The following FSTL5 variants were observed in gnomAD, a reference collection of about 807,000 sequenced individuals.
FSTL5 encodes the protein follistatin-related protein 5.
Under a neutral mutation model 89.1 loss-of-function variants are expected in FSTL5, and 62 were observed. The observed-to-expected ratio is 0.70, with a 90% CI of 0.57 to 0.86. FSTL5 has a LOEUF of 0.86. FSTL5 is among the 40% of genes least tolerant of loss of function. FSTL5 has a pLI of 0.00. For synonymous variants in FSTL5, 383 were observed against 346.2 expected (o/e 1.11, Z -1.18); for missense variants, 1,057 against 1,001.6 (o/e 1.06, Z -0.75).
At chr4:161,872,138 TTG>T (rs1491080602) in intron 4 of FSTL5, among the ~76,000 whole-genome samples, 4 of 51,128 alleles carry the variant, frequency 7.8e-5, no homozygotes, top group Admixed American at 3.0e-4. Flanking sequence ...GTTTTTTTTT[TTG>T]GTTTTTTTTT....
chr4:161,699,785 T>C (rs1267020593), intron 6 of FSTL5, among the ~76,000 whole-genome samples: 2 of 152,176 alleles, frequency 1.3e-5, no homozygotes, highest in East Asian at 1.9e-4. Context: ...TTGGGGTCTG[T>C]ATCTGATGCC....
At chr4:161,438,694 TTCAAAA>T (rs1273503555) in intron 15 of FSTL5, among the ~76,000 whole-genome samples, 3 of 152,152 alleles carry the variant, frequency 2.0e-5, no homozygotes, top group African/African-American at 7.2e-5. Context: ...TGTACAAGGA[TTCAAAA>T]TTAAAATTAA....
intron 2 of FSTL5, among the ~76,000 whole-genome samples, chr4:162,090,016 G>A (rs967513780): frequency 6.6e-6 from 1 of 152,070 alleles, no homozygotes; most frequent in African/African-American, 2.4e-5. Flanking sequence ...TCAGTCAATG[G>A]TGCTGGGATA....
chr4:161,938,663 CAT>C (rs574413944), intron 3 of FSTL5, among the ~76,000 whole-genome samples: 255 of 151,990 alleles, frequency 1.7e-3, no homozygotes, highest in African/African-American at 5.8e-3. Context: ...TCAAATAATG[CAT>C]AGTTTATTAA....
At chr4:161,620,423 G>C (rs1735080281) in intron 7 of FSTL5, among the ~76,000 whole-genome samples, 1 of 152,192 alleles carries the variant, frequency 6.6e-6, no homozygotes, top group Non-Finnish European at 1.5e-5. Context: ...GGGAGGCCAA[G>C]ATGGGCAGGT....
intron 3 of FSTL5, among the ~76,000 whole-genome samples, chr4:161,929,345 G>A (rs569764736): frequency 6.7e-6 from 1 of 150,354 alleles, no homozygotes; most frequent in East Asian, 2.0e-4. Context: ...CCTTTCTCCA[G>A]CACCATACTG....
chr4:161,944,010 C>T (rs1188787481), intron 3 of FSTL5, among the ~76,000 whole-genome samples: 7 of 152,160 alleles, frequency 4.6e-5, no homozygotes, highest in Middle Eastern at 3.4e-3. Context: ...ATTTAAGGCT[C>T]GTGTTTCTGC....
intron 2 of FSTL5, among the ~76,000 whole-genome samples, chr4:162,049,906 C>T (rs930510916): frequency 6.6e-6 from 1 of 151,454 alleles, no homozygotes; most frequent in African/African-American, 2.4e-5. Context: ...CATGAGAAAA[C>T]GATAGTTGAC....
chr4:161,449,687 AG>A (rs1163925017), intron 15 of FSTL5, among the ~76,000 whole-genome samples: 1 of 152,204 alleles, frequency 6.6e-6, no homozygotes, highest in Non-Finnish European at 1.5e-5. Context: ...GAAATGGGAA[AG>A]GAATGATTTG....
At chr4:162,128,385 G>A (rs1046756467) in intron 1 of FSTL5, among the ~76,000 whole-genome samples, 1 of 152,126 alleles carries the variant, frequency 6.6e-6, no homozygotes, top group Non-Finnish European at 1.5e-5. Context: ...TTTGGGATGA[G>A]GTGATTAGGT....
chr4:161,604,775 T>C (rs1437415227), intron 7 of FSTL5, among the ~76,000 whole-genome samples: 3 of 152,160 alleles, frequency 2.0e-5, no homozygotes, highest in Non-Finnish European at 4.4e-5. Context: ...TCAAGCACTG[T>C]TGGAGCCTAG....
intron 7 of FSTL5, among the ~76,000 whole-genome samples, chr4:161,645,067 T>C (rs1335892723): frequency 6.6e-6 from 1 of 151,856 alleles, no homozygotes; most frequent in Non-Finnish European, 1.5e-5. Context: ...CATATTCAAA[T>C]AAAAAAATTT....
chr4:161,504,940 T>C (rs945128942), intron 11 of FSTL5, among the ~76,000 whole-genome samples: 3 of 152,038 alleles, frequency 2.0e-5, no homozygotes, highest in African/African-American at 7.2e-5. Context: ...ATAAAAAAGA[T>C]TTTGTGATGT....
intron 6 of FSTL5, among the ~76,000 whole-genome samples, chr4:161,702,170 T>C (rs1198073015): frequency 6.6e-6 from 1 of 152,178 alleles, no homozygotes; most frequent in African/African-American, 2.4e-5. Context: ...TACTTTATGT[T>C]ATTGAAATTC....
At chr4:161,923,643 A>G (rs550049874) in intron 3 of FSTL5, among the ~76,000 whole-genome samples, 4 of 151,818 alleles carry the variant, frequency 2.6e-5, no homozygotes, top group African/African-American at 9.6e-5. Context: ...GAGTCTGATC[A>G]TTTTACATTT....
At chr4:162,021,529 C>A (rs751728410) in intron 3 of FSTL5, among the ~76,000 whole-genome samples, 2 of 152,030 alleles carry the variant, frequency 1.3e-5, no homozygotes, top group African/African-American at 4.8e-5. Context: ...TCCTTTAAAT[C>A]CTTTATAACA....
chr4:162,078,112 A>G (rs533148224), intron 2 of FSTL5, among the ~76,000 whole-genome samples: 2 of 151,966 alleles, frequency 1.3e-5, no homozygotes, highest in South Asian at 4.1e-4. Flanking sequence ...GGTTGATTAC[A>G]TGGGTCACAT....
chr4:161,696,383 C>A (rs1738168061), intron 6 of FSTL5, among the ~76,000 whole-genome samples: 1 of 152,084 alleles, frequency 6.6e-6, no homozygotes, highest in Non-Finnish European at 1.5e-5. Context: ...AGTTTGAAAT[C>A]AGGTAATGTG....
At chr4:162,036,184 A>G (rs1028621550) in intron 2 of FSTL5, among the ~76,000 whole-genome samples, 5 of 152,050 alleles carry the variant, frequency 3.3e-5, no homozygotes, top group Non-Finnish European at 7.4e-5. Context: ...CTCACCATTG[A>G]ACTTCAGACT....
Sources: allele counts gnomAD v4.1 joint callset (sites outside exome capture counted in the v4.1 genomes callset), GRCh38; gene constraint gnomAD v4.1.1; transcripts MANE v1.5; gene names NCBI Gene and HGNC (gene_info 2026-07-23, HGNC 2026-07-21).